ZNF536: variants seen among roughly 807,000 people sequenced by gnomAD.
ZNF536 encodes the protein zinc finger protein 536.
A neutral mutation model predicts 84.5 loss-of-function variants in ZNF536; 13 were observed. The ratio of observed to expected loss-of-function variants is 0.15; its 90% CI spans 0.10 to 0.24. ZNF536 has a LOEUF of 0.24. ZNF536 is among the 10% of genes least tolerant of loss of function. The pLI, the probability that ZNF536 is intolerant of heterozygous loss-of-function variation, is 1.00. For synonymous variants in ZNF536, 811 were observed against 742.5 expected (o/e 1.09, Z -1.50); for missense variants, 1,536 against 1,747.5 (o/e 0.88, Z 2.16).
chr19:30,410,730 G>A (rs1486009124), intron 1 of ZNF536, among the ~76,000 whole-genome samples: 1 of 151,788 alleles, frequency 6.6e-6, no homozygotes, highest in African/African-American at 2.4e-5. Context: ...CGCCCGCCTC[G>A]GCCTCCCAAA....
At chr19:30,440,113 G>A (rs567165377) in intron 1 of ZNF536, among the ~76,000 whole-genome samples, 69 of 151,432 alleles carry the variant, frequency 4.6e-4, no homozygotes, top group Middle Eastern at 3.4e-3. Flanking sequence ...GGCACCCATC[G>A]CCACACCCAG....
chr19:30,505,439 C>G (rs2055135364), intron 2 of ZNF536, among the ~76,000 whole-genome samples: 1 of 147,520 alleles, frequency 6.8e-6, no homozygotes, highest in Admixed American at 6.8e-5. Flanking sequence ...TATATTATCT[C>G]ATACCTTATA....
At chr19:30,466,631 G>GT (rs71173907) in intron 2 of ZNF536, among the ~76,000 whole-genome samples, 176 of 142,782 alleles carry the variant, frequency 1.2e-3, no homozygotes, top group East Asian at 2.7e-3. Flanking sequence ...CATTTTAACT[G>GT]TTTTTTTTTT....
intron 2 of ZNF536, among the ~76,000 whole-genome samples, chr19:30,511,378 A>G (rs2055408402): frequency 6.6e-6 from 1 of 152,214 alleles, no homozygotes; most frequent in African/African-American, 2.4e-5. Context: ...ACAAACCATA[A>G]AAAAGCCTTC....
intron 1 of ZNF536, among the ~76,000 whole-genome samples, chr19:30,569,559 C>CTTTTTTTTTTTTTTTTTTTTTTTTTT (rs34995610): frequency 1.8e-5 from 1 of 55,106 alleles, no homozygotes; most frequent in Non-Finnish European, 3.3e-5. Flanking sequence ...GATAAACGTT[C>CTTTTTTTTTTTTTTTTTTTTTTTTTT]TTTTTTTTTT....
intron 1 of ZNF536, among the ~76,000 whole-genome samples, chr19:30,436,145 G>A (rs556685563): frequency 1.3e-5 from 2 of 152,220 alleles, no homozygotes; most frequent in African/African-American, 2.4e-5. Flanking sequence ...CTTGACTTTG[G>A]CCAATGTTCC....
At chr19:30,595,575 AC>A (rs2047435722) in intron 1 of ZNF536, among the ~76,000 whole-genome samples, 2 of 152,092 alleles carry the variant, frequency 1.3e-5, no homozygotes, top group Non-Finnish European at 2.9e-5. Flanking sequence ...GTGGTGAGCC[AC>A]CATGCCTGGC....
At chr19:30,638,504 TA>T (rs1377741483) in intron 1 of ZNF536, among the ~76,000 whole-genome samples, 7 of 152,318 alleles carry the variant, frequency 4.6e-5, no homozygotes, top group African/African-American at 1.4e-4. Flanking sequence ...GGAAGTGCTA[TA>T]CACTTTTAAA....
At chr19:30,345,413 T>C (rs1444870644) in intron 2 of ZNF536, among the ~76,000 whole-genome samples, 1 of 152,232 alleles carries the variant, frequency 6.6e-6, no homozygotes, top group Non-Finnish European at 1.5e-5. Flanking sequence ...CACTGGGATA[T>C]AAAATTTCCA....
intron 1 of ZNF536, among the ~76,000 whole-genome samples, chr19:30,574,582 C>T (rs746852824): frequency 1.6e-4 from 24 of 152,236 alleles, no homozygotes; most frequent in Admixed American, 3.9e-4. Flanking sequence ...CAGAGACAGG[C>T]GTTGCCTTAA....
intron 1 of ZNF536, among the ~76,000 whole-genome samples, chr19:30,437,123 G>T (rs1450349435): frequency 1.3e-5 from 2 of 152,094 alleles, no homozygotes; most frequent in African/African-American, 4.8e-5. Flanking sequence ...TTACTGGCAA[G>T]ATCTATATTT....
intron 2 of ZNF536, among the ~76,000 whole-genome samples, chr19:30,315,470 C>G (rs1479920494): frequency 6.6e-6 from 1 of 152,118 alleles, no homozygotes; most frequent in East Asian, 1.9e-4. Flanking sequence ...CCTCTGGGCC[C>G]TCTGTAGCAG....
chr19:30,584,153 C>T (rs2047017458), intron 1 of ZNF536, among the ~76,000 whole-genome samples: 1 of 152,178 alleles, frequency 6.6e-6, no homozygotes, highest in Non-Finnish European at 1.5e-5. Context: ...TCCCTCCTGC[C>T]CTCCTATCCA....
chr19:30,618,606 T>G (rs2048379986), intron 1 of ZNF536, among the ~76,000 whole-genome samples: 1 of 152,182 alleles, frequency 6.6e-6, no homozygotes, highest in South Asian at 2.1e-4. Flanking sequence ...TCTTATGTTA[T>G]CTGAGCTTTC....
intron 1 of ZNF536, among the ~76,000 whole-genome samples, chr19:30,589,690 A>G (rs530696326): frequency 2.0e-5 from 3 of 152,270 alleles, no homozygotes; most frequent in African/African-American, 7.2e-5. Context: ...ACTGGGGGAC[A>G]AGGTAGAGCT....
chr19:30,249,756 G>C (rs373349663), intron 1 of ZNF536, among the ~76,000 whole-genome samples: 1 of 152,338 alleles, frequency 6.6e-6, no homozygotes, highest in African/African-American at 2.4e-5. Context: ...CCACTGTGCT[G>C]TGTTGCTGTG....
At chr19:30,280,297 C>T (rs1031928704) in intron 1 of ZNF536, among the ~76,000 whole-genome samples, 2 of 151,914 alleles carry the variant, frequency 1.3e-5, no homozygotes, top group African/African-American at 2.4e-5. Flanking sequence ...CATCCATCTT[C>T]ATCCTTCTCT....
rs1040744760 is a variant in ZNF536 at position 30,557,859 on chromosome 19, T to A, written c.*695T>A. On this transcript the variant is annotated 3_prime_UTR_variant, in exon 5 of 5. Coordinates refer to ENST00000355537, the MANE Select transcript of ZNF536 (RefSeq NM_014717.3). The stretch of plus-strand genomic sequence containing the variant: ...GTATTGTTGAAGTAATTAGAAGATA[T>A]ATTAAGGTGTTCCTGGTAATGAAGG... 7.2e-5 allele frequency: 11 copies of A among 152,718 alleles called. 1 individual carries two copies. The highest frequency in any genetic ancestry group is 5.2e-4 in the Admixed American group (8 of 15,298). The allele number at this position is 152,718 out of a possible 1,614,324, so 9.5% of individuals were successfully genotyped here. A position where few individuals can be genotyped will look rare whatever the true frequency, so the allele number is the denominator to read the frequency against.
intron 1 of ZNF536, among the ~76,000 whole-genome samples, chr19:30,232,235 T>C (rs2023114187): frequency 6.6e-6 from 1 of 152,200 alleles, no homozygotes; most frequent in Non-Finnish European, 1.5e-5. Flanking sequence ...TGGCTGCTTC[T>C]GCTGGCTCCC....
Sources: gnomAD v4.1 joint callset for allele counts (sites outside exome capture counted in the v4.1 genomes callset) on GRCh38, gnomAD v4.1.1 for gene constraint, MANE v1.5 for transcripts, NCBI Gene and HGNC (gene_info 2026-07-23, HGNC 2026-07-21) for gene names.